Variants in SP140 observed in about 807,000 individuals in gnomAD.
SP140 encodes the protein nuclear body protein SP140.
SP140 carries 81 observed loss-of-function variants against 125.0 expected under a neutral mutation model. The observed-to-expected ratio is 0.65, with a 90% confidence interval of 0.54 to 0.78. The LOEUF is 0.78. Among genes scored for constraint, SP140 ranks in the 30% least tolerant of loss-of-function variants. SP140 has a pLI of 0.00. For missense variants in SP140, 858 were observed against 1,037.0 expected, an observed-to-expected ratio of 0.83 and a Z score of 2.37; for synonymous variants, 312 against 354.0, an observed-to-expected ratio of 0.88 and a Z score of 1.33.
At position 230,254,295 on chromosome 2, in the gene SP140, A is replaced by G. The variant is rs549156259; in HGVS notation, c.1159+878A>G. On this transcript the variant is annotated intron_variant, in intron 11 of 26. Coordinates refer to ENST00000392045, the MANE Select transcript of SP140 (RefSeq NM_007237.5). Reference sequence around the variant, plus strand: ...GAGTTACTAGACAGCAGCAACATCCAGCAAACGGCACCTCTATCAATAGTG... The same window carrying G: ...GAGTTACTAGACAGCAGCAACATCCGGCAAACGGCACCTCTATCAATAGTG... Among the ~76,000 whole-genome samples the G allele has an allele frequency of 1.4e-3, 210 of 152,322 alleles. 3 individuals carry two copies. The highest frequency in any genetic ancestry group is 4.8e-3 in the African/African-American group (201 of 41,588).
intron 22 of SP140, among the ~76,000 whole-genome samples, chr2:230,308,973 T>TA (rs1351648867): frequency 7.9e-5 from 12 of 152,352 alleles, no homozygotes; most frequent in South Asian, 2.1e-4. Context: ...ATACAGCATG[T>TA]ATGTATTGGT....
chr2:230,234,121 A>C (rs1485758880), intron 1 of SP140, among the ~76,000 whole-genome samples: 1 of 152,204 alleles, frequency 6.6e-6, no homozygotes, highest in Non-Finnish European at 1.5e-5. Flanking sequence ...TACATCATCA[A>C]ATAATTCGTC....
Position 230,247,150 on chromosome 2 carries a change from A to G in SP140, c.743-766A>G, listed in dbSNP as rs192383514. Among the ~76,000 whole-genome samples the G allele has an allele frequency of 1.0e-3, 159 of 152,280 alleles. 1 individual carries two copies. The highest frequency in any genetic ancestry group is 3.5e-3 in the African/African-American group (144 of 41,556). On this transcript the variant is annotated intron_variant, in intron 7 of 26. Coordinates refer to ENST00000392045, the MANE Select transcript of SP140 (RefSeq NM_007237.5). ...CCATCTATAACTTAATGATTTCAAA[A>G]CACATATGTCCAGATTTATCTTCTA...
At chr2:230,231,934 C>T (rs1388365000) in intron 1 of SP140, among the ~76,000 whole-genome samples, 1 of 152,086 alleles carries the variant, frequency 6.6e-6, no homozygotes, top group Non-Finnish European at 1.5e-5. Context: ...TGGTCTCAAA[C>T]TCCTGGCTTT....
rs1559331353 is a variant in SP140, at chr2:230,285,804, G to A, written c.1617G>A (p.Val539=). The A allele has an allele frequency of 1.2e-6, 2 of 1,613,700 alleles. No individual in the cohort carries two copies. Among genetic ancestry groups the A allele is most frequent in the African/African-American group, 1.3e-5 (1 of 75,016 alleles). ...QVVSSEKKAN[V]NLKDLSKIRG... ...TCTCCAGTGAAAAGAAGGCGAACGT[G>A]AATCTGAAAGACCTTTCCAAGATTA... Residue 539 remains valine (V), a synonymous_variant, in exon 17 of 27, where the codon GTG becomes GTA. Transcript: ENST00000392045.
At chr2:230,257,723 C>T (rs1169530078) in intron 12 of SP140, among the ~76,000 whole-genome samples, 3 of 152,186 alleles carry the variant, frequency 2.0e-5, no homozygotes, top group African/African-American at 4.8e-5. Context: ...GCTGAGATCA[C>T]ATCACTGCAC....
chr2:230,203,532 G>C (rs1287172966), intron 1 of SP140: 1 of 152,254 alleles, frequency 6.6e-6, no homozygotes, highest in Non-Finnish European at 1.5e-5. Flanking sequence ...AGGGCTGGCG[G>C]GAAGTTCAAA....
intron 1 of SP140, among the ~76,000 whole-genome samples, chr2:230,229,210 A>G (rs953058747): frequency 2.0e-5 from 3 of 151,894 alleles, no homozygotes; most frequent in African/African-American, 7.3e-5. Context: ...ACATTGTGAA[A>G]TGACTGACAA....
intron 12 of SP140, among the ~76,000 whole-genome samples, chr2:230,257,277 T>C (rs955139057): frequency 6.6e-6 from 1 of 151,590 alleles, no homozygotes; most frequent in South Asian, 2.1e-4. Flanking sequence ...TAATCTACGA[T>C]ACGAGATAGG....
chr2:230,271,890 G>A (rs2053986420), intron 15 of SP140, among the ~76,000 whole-genome samples: 1 of 152,166 alleles, frequency 6.6e-6, no homozygotes. Flanking sequence ...CACAAAAAAA[G>A]TTATTTGAAG....
chr2:230,236,124 C>A (rs1293464585), intron 1 of SP140, among the ~76,000 whole-genome samples: 1 of 152,154 alleles, frequency 6.6e-6, no homozygotes, highest in Non-Finnish European at 1.5e-5. Flanking sequence ...ATCCGCCTGT[C>A]TCGGCCTCCC....
chr2:230,251,261 C>T (rs13385151), intron 10 of SP140, among the ~76,000 whole-genome samples, 200 bp downstream of exon 10: 21,607 of 152,140 alleles, frequency 0.14, 1,718 homozygotes, highest in Middle Eastern at 0.22. Flanking sequence ...CTGTGTTTAA[C>T]GGAATGGGTT....
intron 22 of SP140, among the ~76,000 whole-genome samples, chr2:230,298,025 G>A (rs1559356850): frequency 6.6e-6 from 1 of 152,162 alleles, no homozygotes; most frequent in Non-Finnish European, 1.5e-5. Context: ...TCATTTGGAT[G>A]GTTTCAGGGA....
chr2:230,235,090 T>C (rs534572531), intron 1 of SP140: 89 of 152,350 alleles, frequency 5.8e-4, no homozygotes, highest in African/African-American at 2.1e-3. Flanking sequence ...AGGCCTTTTC[T>C]CTGAGTCATT....
chr2:230,309,915 A>T lies in SP140; in HGVS notation c.2059-9A>T, dbSNP rs372241258. 1.9e-6 allele frequency: 3 copies of T among 1,613,212 alleles called. No individual in the cohort carries two copies. The Admixed American group carries it at 5.0e-5, about 27-fold the overall frequency. On this transcript the variant is annotated splice_polypyrimidine_tract_variant and intron_variant, in intron 22 of 26. Transcript: ENST00000392045. ...TTCCCAGTGACGTGGACACTGTTTT[A>T]TCTTCTAGATGAGAAACCTGGATGA...
chr2:230,287,241 G>A (rs958930880), intron 17 of SP140, among the ~76,000 whole-genome samples: 4 of 151,934 alleles, frequency 2.6e-5, no homozygotes, highest in Admixed American at 2.0e-4. Context: ...TATTTATTTT[G>A]TCCAAAGCCA....
At chr2:230,294,871 G>A (rs1024239294) in intron 21 of SP140, among the ~76,000 whole-genome samples, 3 of 152,146 alleles carry the variant, frequency 2.0e-5, no homozygotes, top group Non-Finnish European at 4.4e-5. Context: ...CCAAAAAAAT[G>A]TACACACAGA....
chr2:230,246,406 A>G (rs558716139), intron 7 of SP140, among the ~76,000 whole-genome samples: 1 of 152,194 alleles, frequency 6.6e-6, no homozygotes, highest in Admixed American at 6.5e-5. Context: ...ATATTACCAC[A>G]TTGGGTAACA....
chr2:230,243,508 G>A (rs2048997648), intron 4 of SP140, among the ~76,000 whole-genome samples: 2 of 152,174 alleles, frequency 1.3e-5, no homozygotes, highest in African/African-American at 2.4e-5. Context: ...AAATGGGAAA[G>A]AGAACAAGGT....
Sources: allele counts gnomAD v4.1 joint callset (sites outside exome capture counted in the v4.1 genomes callset), GRCh38; gene constraint gnomAD v4.1.1; transcripts MANE v1.5; gene names NCBI Gene and HGNC (gene_info 2026-07-23, HGNC 2026-07-21).